The following DLGAP4 variants were observed in gnomAD, a reference collection of about 807,000 sequenced individuals.
The protein encoded by DLGAP4 is disks large-associated protein 4.
A neutral mutation model predicts 86.9 loss-of-function variants in DLGAP4; 18 were observed. The observed-to-expected ratio is 0.21, with a 90% CI of 0.14 to 0.31. DLGAP4 has a LOEUF of 0.31. Among genes scored for constraint, DLGAP4 ranks in the 10% least tolerant of loss-of-function variants. The pLI is 1.00. For missense variants in DLGAP4, 1,085 were observed against 1,362.6 expected (o/e 0.80, Z 3.21); for synonymous variants, 548 against 574.3 (o/e 0.95, Z 0.65).
Position 36,431,106 on chromosome 20 carries a change from C to A in DLGAP4, c.-72-540C>A, listed in dbSNP as rs2033117207. ...CCTGGATACTGGGCACCCTGGGATT[C>A]CCTGCCCAAATGACCCACGCCTGCC... On this transcript the variant is annotated intron_variant, in intron 2 of 12. Transcript: ENST00000339266. This position sits in a 1 kb window ranked among gnomAD's most constrained non-coding sequence, Gnocchi z 5.1. Among the ~76,000 whole-genome samples, 1 of 151,400 alleles carries A rather than the reference C, an allele frequency of 6.6e-6. No homozygotes were observed. Among genetic ancestry groups the A allele is most frequent in the South Asian group, 2.1e-4 (1 of 4,772 alleles).
chr20:36,485,220 A>G (rs534061128), intron 7 of DLGAP4, among the ~76,000 whole-genome samples: 1 of 152,170 alleles, frequency 6.6e-6, no homozygotes, highest in African/African-American at 2.4e-5. Flanking sequence ...CATCTCTACA[A>G]AAAATTAAAA....
intron 7 of DLGAP4, among the ~76,000 whole-genome samples, chr20:36,451,133 CT>C (rs1384299040): frequency 2.8e-4 from 43 of 152,354 alleles, no homozygotes; most frequent in African/African-American, 1.0e-3. Context: ...TTAGCCTAAG[CT>C]GGTCAATTTT....
intron 7 of DLGAP4, among the ~76,000 whole-genome samples, chr20:36,467,936 TGTCTCCAAACC>T (rs769436368): frequency 6.6e-6 from 1 of 152,248 alleles, no homozygotes; most frequent in Non-Finnish European, 1.5e-5. Context: ...CAAGGCCAAC[TGTCTCCAAACC>T]GTGTCTCTTC....
intron 7 of DLGAP4, among the ~76,000 whole-genome samples, chr20:36,453,481 CT>C (rs1410785739): frequency 6.6e-6 from 1 of 151,980 alleles, no homozygotes; most frequent in Non-Finnish European, 1.5e-5. Context: ...GAGAACCTGT[CT>C]CTACAAAATA....
At chr20:36,450,745 C>G (rs1031664089) in intron 7 of DLGAP4, among the ~76,000 whole-genome samples, 4 of 152,206 alleles carry the variant, frequency 2.6e-5, no homozygotes, top group African/African-American at 9.7e-5. Context: ...TCCCCAACCA[C>G]ACAGCATACA....
chr20:36,513,691 C>G (rs1238673485), intron 10 of DLGAP4, among the ~76,000 whole-genome samples: 25 of 151,382 alleles, frequency 1.7e-4, no homozygotes, highest in Admixed American at 1.6e-3. Context: ...GTAAGAGAGA[C>G]TTTAATGGAG....
chr20:36,356,398 G>T (rs1047594454), intron 1 of DLGAP4, among the ~76,000 whole-genome samples: 2 of 152,072 alleles, frequency 1.3e-5, no homozygotes, highest in Non-Finnish European at 2.9e-5. Flanking sequence ...TGCAACCTCC[G>T]CCTCCTGGGT....
intron 7 of DLGAP4, among the ~76,000 whole-genome samples, chr20:36,477,070 T>C (rs2034978107): frequency 6.6e-6 from 1 of 151,872 alleles, no homozygotes; most frequent in African/African-American, 2.4e-5. Flanking sequence ...CTTATGGTAG[T>C]GATTAATTCT....
intron 2 of DLGAP4, among the ~76,000 whole-genome samples, chr20:36,370,049 G>A (rs753564145): frequency 6.6e-6 from 1 of 152,126 alleles, no homozygotes; most frequent in East Asian, 1.9e-4. Context: ...GAAGTTCCCC[G>A]CAAAGGGCCA....
intron 7 of DLGAP4, among the ~76,000 whole-genome samples, chr20:36,479,399 A>G (rs1368018356): frequency 6.6e-6 from 1 of 152,164 alleles, no homozygotes; most frequent in Non-Finnish European, 1.5e-5. Flanking sequence ...TGGAGGTCAC[A>G]GGGATGCCAC....
intron 7 of DLGAP4, among the ~76,000 whole-genome samples, chr20:36,467,017 CCTCT>C (rs55778929): frequency 0.043 from 2,178 of 50,312 alleles, 163 homozygotes; most frequent in East Asian, 0.11. Context: ...CTCTCTCTCT[CCTCT>C]CTCTCTCTCT....
rs1468826618 is a variant in DLGAP4, at chr20:36,350,196, C to G, written c.-303-16849C>G. ...GGCGGGTGCCAAGCCTGGATCGTCC[C>G]CCGAGCTCAGCTTGCCCTTAGGCCC... On this transcript the variant is annotated intron_variant, in intron 1 of 12. Coordinates refer to ENST00000339266, the MANE Select transcript of DLGAP4 (RefSeq NM_001365621.2). This position sits in a 1 kb window ranked among gnomAD's most constrained non-coding sequence, Gnocchi z 4.4. Among the ~76,000 whole-genome samples the G allele has an allele frequency of 6.6e-6, 1 of 152,232 alleles. No individual in the cohort carries two copies. The highest frequency in any genetic ancestry group is 2.1e-4 in the South Asian group (1 of 4,828).
Position 36,417,958 on chromosome 20 carries a change from T to C in DLGAP4, c.-72-13688T>C, listed in dbSNP as rs180776550. 4.9e-3 allele frequency among the ~76,000 whole-genome samples: 729 copies of C among 150,306 alleles called. 7 individuals carry two copies. The highest frequency in any genetic ancestry group is 0.017 in the African/African-American group (702 of 40,762). On this transcript the variant is annotated intron_variant, in intron 2 of 12. Transcript: ENST00000339266. The stretch of plus-strand genomic sequence containing the variant: ...CGCCACCATGCCCAGCTAATTTTTG[T>C]ATTTTTATTAGAGACAGAGTTTCAC...
intron 1 of DLGAP4, among the ~76,000 whole-genome samples, chr20:36,332,016 G>C (rs2065273705): frequency 6.6e-6 from 1 of 152,124 alleles, no homozygotes; most frequent in Admixed American, 6.5e-5. Flanking sequence ...AATAAGGACA[G>C]GGGGTGCGTC....
chr20:36,433,650 T>A (rs930215776), intron 3 of DLGAP4, among the ~76,000 whole-genome samples: 75 of 141,054 alleles, frequency 5.3e-4, no homozygotes, highest in African/African-American at 1.8e-3. Context: ...TGAGTATTTC[T>A]TTTTTTTTTT....
chr20:36,404,004 T>C (rs2032238726), intron 2 of DLGAP4, among the ~76,000 whole-genome samples: 1 of 152,198 alleles, frequency 6.6e-6, no homozygotes, highest in South Asian at 2.1e-4. Context: ...AGTCTAGCTC[T>C]GAAAGTCACA....
chr20:36,322,406 G>T (rs528246290), intron 1 of DLGAP4, among the ~76,000 whole-genome samples: 1 of 152,122 alleles, frequency 6.6e-6, no homozygotes, highest in Non-Finnish European at 1.5e-5. Flanking sequence ...GGGTTGTGGC[G>T]CCAGAAGGTC....
chr20:36,334,939 T>C (rs890397277), intron 1 of DLGAP4, among the ~76,000 whole-genome samples: 3 of 151,966 alleles, frequency 2.0e-5, no homozygotes, highest in Admixed American at 2.0e-4. Flanking sequence ...CCCCCGGGGG[T>C]GGCAGAACGC....
At chr20:36,469,770 A>G (rs1211562592) in intron 7 of DLGAP4, among the ~76,000 whole-genome samples, 2 of 151,304 alleles carry the variant, frequency 1.3e-5, no homozygotes, top group Non-Finnish European at 3.0e-5. Flanking sequence ...AAAAAAAAAA[A>G]GTAACAAAAG....
Sources: gnomAD v4.1 joint callset for allele counts (sites outside exome capture counted in the v4.1 genomes callset) on GRCh38, gnomAD v4.1.1 for gene constraint, Gnocchi (gnomAD v3.1) non-coding constraint, MANE v1.5 for transcripts, NCBI Gene and HGNC (gene_info 2026-07-23, HGNC 2026-07-21) for gene names.